Variants in PCDHGA4 observed in about 807,000 individuals in gnomAD.
The protein encoded by PCDHGA4 is protocadherin gamma subfamily A, 4.
A neutral mutation model predicts 54.6 loss-of-function variants in PCDHGA4; 38 were observed. That is an observed-to-expected ratio of 0.70 (90% CI 0.54 to 0.91). The LOEUF (loss-of-function observed/expected upper bound fraction) is 0.91. Ranked by LOEUF, PCDHGA4 falls within the 40% of genes least tolerant of loss-of-function variation. The pLI, the probability that PCDHGA4 is intolerant of heterozygous loss-of-function variation, is 0.00. For synonymous variants in PCDHGA4, 511 were observed against 512.9 expected (o/e 1.00, Z 0.05); for missense variants, 1,298 against 1,220.9 (o/e 1.06, Z -0.94).
rs1221067458 is a variant in PCDHGA4 at position 141,491,658 on chromosome 5, C to T, written c.2515-3149C>T. The T allele has an allele frequency of 3.1e-6, 5 of 1,613,822 alleles. No individual in the cohort carries two copies. The highest frequency in any genetic ancestry group is 2.2e-5 in the South Asian group (2 of 91,088). Reference sequence around the variant, plus strand: ...CCACAGCTCTGGCGCTGGAGCCTGACGCCATCCGGTCCCGCTCTAATACGC... The same window carrying T: ...CCACAGCTCTGGCGCTGGAGCCTGATGCCATCCGGTCCCGCTCTAATACGC... On this transcript the variant is annotated intron_variant, in intron 1 of 3. Coordinates refer to ENST00000571252, the MANE Select transcript of PCDHGA4 (RefSeq NM_018917.4). The surrounding 1 kb of genome is among the most constrained non-coding windows in gnomAD (Gnocchi z 6.9).
At position 141,431,413 on chromosome 5, in the gene PCDHGA4, C is replaced by A; in HGVS notation, c.2515-63394C>A. ...TGGTCCTTACGGCCTCCGACGGGGG[C>A]GACCCGGTGCGCACAGGCACCGCGC... On this transcript the variant is annotated intron_variant, in intron 1 of 3. Transcript: ENST00000571252. This position sits in a 1 kb window ranked among gnomAD's most constrained non-coding sequence, Gnocchi z 4.8. The A allele has an allele frequency of 6.2e-7, 1 of 1,613,682 alleles. No homozygotes were observed. Among genetic ancestry groups the A allele is most frequent in the Non-Finnish European group, 8.5e-7 (1 of 1,180,044 alleles).
Position 141,486,656 on chromosome 5 carries a change from C to A in PCDHGA4, c.2515-8151C>A. 6.2e-7 allele frequency: 1 copy of A among 1,614,020 alleles called. No homozygotes were observed. Among genetic ancestry groups the A allele is most frequent in the Non-Finnish European group, 8.5e-7 (1 of 1,180,038 alleles). On this transcript the variant is annotated intron_variant, in intron 1 of 3. Transcript: ENST00000571252. This position sits in a 1 kb window ranked among gnomAD's most constrained non-coding sequence, Gnocchi z 5.0. ...GAATGCGCTTATCTCCTACTCACTCCTGGAGCCCAGGAATCGAGATGTATC... is the reference window on the plus strand; with the variant it reads ...GAATGCGCTTATCTCCTACTCACTCATGGAGCCCAGGAATCGAGATGTATC...
At chr5:141,403,624 C>T (rs1269483770) in intron 1 of PCDHGA4, 3 of 1,613,924 alleles carry the variant, frequency 1.9e-6, no homozygotes. Context: ...GTCGCTCCAG[C>T]ACAGTGCGCA....
chr5:141,501,290 T>TACACATACACAC (rs1224133816), intron 2 of PCDHGA4, among the ~76,000 whole-genome samples: 9 of 136,158 alleles, frequency 6.6e-5, no homozygotes, highest in Admixed American at 1.6e-4. Context: ...TATTCCCTTA[T>TACACATACACAC]ACACACACAC....
At position 141,490,591 on chromosome 5, in the gene PCDHGA4, G is replaced by A; in HGVS notation, c.2515-4216G>A. 1 of 1,614,100 alleles carries A rather than the reference G, an allele frequency of 6.2e-7. No homozygotes were observed. Among genetic ancestry groups the A allele is most frequent in the African/African-American group, 1.3e-5 (1 of 75,016 alleles). ...CAACATTTCAGATGTCAATGACAAT[G>A]CACCCCGCTTCAACCAGCAGCTTTA... On this transcript the variant is annotated intron_variant, in intron 1 of 3. Coordinates refer to ENST00000571252, the MANE Select transcript of PCDHGA4 (RefSeq NM_018917.4). This position sits in a 1 kb window ranked among gnomAD's most constrained non-coding sequence, Gnocchi z 5.4.
Position 141,511,250 on chromosome 5 carries a change from CAG to C in PCDHGA4, c.*80_*81del. 2 of 1,571,674 alleles carry C rather than the reference CAG, an allele frequency of 1.3e-6. No homozygotes were observed. Among genetic ancestry groups the C allele is most frequent in the Non-Finnish European group, 1.7e-6 (2 of 1,158,794 alleles). On this transcript the variant is annotated 3_prime_UTR_variant, in exon 4 of 4. Transcript: ENST00000571252. ...CTTCTCCTTACCTGCACCCAGGCCT[CAG>C]AGTTTCAGGGCTAACCCCCAGAATA...
intron 1 of PCDHGA4, among the ~76,000 whole-genome samples, chr5:141,484,202 T>C (rs2099593138): frequency 6.6e-6 from 1 of 152,214 alleles, no homozygotes; most frequent in Non-Finnish European, 1.5e-5. Context: ...ATTAAATCTA[T>C]GAACATTAGC....
chr5:141,432,949 CG>C lies in PCDHGA4; in HGVS notation c.2515-61856del, dbSNP rs930064840. 6.2e-7 allele frequency: 1 copy of C among 1,614,066 alleles called. No individual in the cohort carries two copies. Among genetic ancestry groups the C allele is most frequent in the African/African-American group, 1.3e-5 (1 of 74,930 alleles). ...CACGCCTGCTGCAGGCTTCAGGAGG[CG>C]GCTTGACAGGAGCGCCGGCGTCGCA... On this transcript the variant is annotated intron_variant, in intron 1 of 3. Transcript: ENST00000571252. This position sits in a 1 kb window ranked among gnomAD's most constrained non-coding sequence, Gnocchi z 6.0.
In PCDHGA4 at chr5:141,511,224, G is replaced by T. The variant is rs752401867; in HGVS notation, c.*51G>T. On this transcript the variant is annotated 3_prime_UTR_variant, in exon 4 of 4. Coordinates refer to ENST00000571252, the MANE Select transcript of PCDHGA4 (RefSeq NM_018917.4). ...GGGCGGCCTCTCCCCAACCAGCCCA[G>T]CTTCTCCTTACCTGCACCCAGGCCT... is the stretch of plus-strand genomic sequence containing the variant. 44 of 1,603,158 alleles carry T rather than the reference G, an allele frequency of 2.7e-5. No individual in the cohort carries two copies. Among genetic ancestry groups the T allele is most frequent in the Non-Finnish European group, 3.6e-5 (42 of 1,174,924 alleles).
At position 141,412,100 on chromosome 5, in the gene PCDHGA4, C is replaced by T. The variant is rs1041242156; in HGVS notation, c.2514+54479C>T. On this transcript the variant is annotated intron_variant, in intron 1 of 3. Coordinates refer to ENST00000571252, the MANE Select transcript of PCDHGA4 (RefSeq NM_018917.4). ...TTGCTACTGGGTTGATGGGCACACA[C>T]AGTTGAAGATATGTGAACCACTGGA... The T allele has an allele frequency of 2.0e-5, 3 of 152,180 alleles. No homozygotes were observed. In the South Asian group the frequency reaches 6.2e-4, roughly 31 times the overall value. 9.4% of individuals were successfully genotyped at this position (152,180 alleles called of 1,614,324 possible).
rs578223384 is a variant in PCDHGA4, at chr5:141,400,070, C to A, written c.2514+42449C>A. 4 of 1,613,804 alleles carry A rather than the reference C, an allele frequency of 2.5e-6. No individual in the cohort carries two copies. The African/African-American group carries it at 4.0e-5, about 16-fold the overall frequency. On this transcript the variant is annotated intron_variant, in intron 1 of 3. Transcript: ENST00000571252. ...GTTGCTGTGCGTGATGGTGGACAGC[C>A]GCCACTCTCCGCCACCGCCACGCTG...
In PCDHGA4 at chr5:141,490,745, C is replaced by T. The variant is rs769031787; in HGVS notation, c.2515-4062C>T. 22 of 1,614,120 alleles carry T rather than the reference C, an allele frequency of 1.4e-5. No individual in the cohort carries two copies. Among genetic ancestry groups the T allele is most frequent in the Non-Finnish European group, 1.9e-5 (22 of 1,180,050 alleles). On this transcript the variant is annotated intron_variant, in intron 1 of 3. Transcript: ENST00000571252. The surrounding 1 kb of genome is among the most constrained non-coding windows in gnomAD (Gnocchi z 5.4). Reference sequence around the variant, plus strand: ...GTAGGAAATCAGGTTCAGGGAGCCCCAGCCTCCTCCTTTGTGTATGTCAAC... The same window carrying T: ...GTAGGAAATCAGGTTCAGGGAGCCCTAGCCTCCTCCTTTGTGTATGTCAAC...
intron 1 of PCDHGA4, chr5:141,403,391 G>GT (rs2154533404): frequency 1.2e-6 from 2 of 1,614,046 alleles, no homozygotes; most frequent in Admixed American, 3.3e-5. Flanking sequence ...CGAAATCGCG[G>GT]TTCCTGGAGC....
chr5:141,402,843 G>C (rs1370040306), intron 1 of PCDHGA4: 5 of 1,399,114 alleles, frequency 3.6e-6, no homozygotes, highest in Non-Finnish European at 4.7e-6. Flanking sequence ...GCAAAACTCA[G>C]CCTCTTTCTT....
chr5:141,439,013 A>T lies in PCDHGA4; in HGVS notation c.2515-55794A>T, dbSNP rs2098082221. 1.3e-5 allele frequency among the ~76,000 whole-genome samples: 2 copies of T among 151,700 alleles called. 1 individual carries two copies. The highest frequency in any genetic ancestry group is 1.3e-4 in the Admixed American group (2 of 15,214). On this transcript the variant is annotated intron_variant, in intron 1 of 3. Transcript: ENST00000571252. ...GGCTAAGGACCTGGTTTGTTTGTCA[A>T]ATTTTGAAAATAGATGCCTCAGTTC...
In PCDHGA4 at chr5:141,463,518, G is replaced by A. The variant is rs537466389; in HGVS notation, c.2515-31289G>A. 5.7e-5 allele frequency among the ~76,000 whole-genome samples: 8 copies of A among 139,140 alleles called. No individual in the cohort carries two copies. The East Asian group carries it at 1.3e-3, about 22-fold the overall frequency. The allele number at this position is 139,140 out of a possible 152,430, so 91.3% of individuals were successfully genotyped here. On this transcript the variant is annotated intron_variant, in intron 1 of 3. Coordinates refer to ENST00000571252, the MANE Select transcript of PCDHGA4 (RefSeq NM_018917.4). The stretch of plus-strand genomic sequence containing the variant: ...GGCTGGAGTGACGTGGCGTGATCTC[G>A]GCTTACTAGAAACTCCGGCTCCCGG...
intron 1 of PCDHGA4, chr5:141,398,025 A>T (rs1481347884): frequency 1.4e-6 from 2 of 1,445,136 alleles, no homozygotes; most frequent in Non-Finnish European, 1.8e-6. Flanking sequence ...CTAAACTGGA[A>T]CTGGAACTAA....
At chr5:141,386,425 C>T (rs996269178) in intron 1 of PCDHGA4, among the ~76,000 whole-genome samples, 2 of 151,916 alleles carry the variant, frequency 1.3e-5, no homozygotes, top group East Asian at 1.9e-4. Context: ...AGCTGTAGCC[C>T]ACCTGCATGG....
intron 1 of PCDHGA4, chr5:141,372,263 G>C (rs373583904): frequency 3.1e-6 from 5 of 1,613,110 alleles, no homozygotes; most frequent in South Asian, 1.1e-5. Flanking sequence ...GCCTGCGCAC[G>C]GGTGAGGTGC....
Sources: gnomAD v4.1 joint callset for allele counts (sites outside exome capture counted in the v4.1 genomes callset) on GRCh38, gnomAD v4.1.1 for gene constraint, Gnocchi (gnomAD v3.1) non-coding constraint, MANE v1.5 for transcripts, NCBI Gene and HGNC (gene_info 2026-07-23, HGNC 2026-07-21) for gene names.